FAM149B1: variants seen among roughly 807,000 people sequenced by gnomAD.
FAM149B1 encodes primary cilium assembly protein FAM149B1.
In FAM149B1, 56 loss-of-function variants were observed where a neutral mutation model predicts 75.3. That is an observed-to-expected ratio of 0.74 (90% CI 0.60 to 0.93). FAM149B1 has a LOEUF of 0.93. Among genes scored for constraint, FAM149B1 ranks in the 40% least tolerant of loss-of-function variants. FAM149B1 has a pLI of 0.00. For synonymous variants in FAM149B1, 259 were observed against 256.1 expected, an observed-to-expected ratio of 1.01 and a Z score of -0.11; for missense variants, 639 against 708.4, an observed-to-expected ratio of 0.90 and a Z score of 1.11.
chr10:73,188,163 G>A (rs1036966873), intron 3 of FAM149B1, among the ~76,000 whole-genome samples: 1 of 152,106 alleles, frequency 6.6e-6, no homozygotes, highest in African/African-American at 2.4e-5. Context: ...TGAGAGTCCA[G>A]AAATAAACTC....
rs895121685 is a variant in FAM149B1 at position 73,230,554 on chromosome 10, C to T, written c.1127+29C>T. The T allele has an allele frequency of 3.2e-6, 4 of 1,254,804 alleles. No homozygotes were observed. In the African/African-American group the frequency reaches 6.0e-5, roughly 19 times the overall value. The allele number at this position is 1,254,804 out of a possible 1,614,324, so 77.7% of individuals were successfully genotyped here. A position where few individuals can be genotyped will look rare whatever the true frequency, so the allele number is the denominator to read the frequency against. On this transcript the variant is annotated intron_variant, in intron 9 of 13. Coordinates refer to ENST00000242505, the MANE Select transcript of FAM149B1 (RefSeq NM_173348.2). ...AGAAGTTCAACATTTTCAGACTATA[C>T]AGTGTAAAAGGGAAACAGAGGGAAA...
chr10:73,188,446 G>A (rs189814027), intron 3 of FAM149B1, among the ~76,000 whole-genome samples: 4 of 152,238 alleles, frequency 2.6e-5, no homozygotes, highest in African/African-American at 7.2e-5. Flanking sequence ...CATAAGCTAC[G>A]AAAATGGATA....
rs996321545 is a variant in FAM149B1 at position 73,243,016 on chromosome 10, G to A, written c.*1997G>A. The A allele has an allele frequency of 5.6e-6, 1 of 177,308 alleles. No individual in the cohort carries two copies. Among genetic ancestry groups the A allele is most frequent in the Non-Finnish European group, 1.2e-5 (1 of 83,768 alleles). The allele number at this position is 177,308 out of a possible 1,614,324, so 11.0% of individuals were successfully genotyped here. On this transcript the variant is annotated 3_prime_UTR_variant, in exon 14 of 14. Transcript: ENST00000242505. ...TAGCTGTCCAGCAAGTGTCTGGAAG[G>A]TGTTCTAGCTGGGTAGAGAGCCTAT...
chr10:73,210,537 G>C (rs772893830), intron 7 of FAM149B1, 99 bp downstream of exon 7: 1 of 814,028 alleles, frequency 1.2e-6, no homozygotes, highest in Non-Finnish European at 1.9e-6. Context: ...CAAAAGGTGC[G>C]TATGGGCCAG....
In FAM149B1 at chr10:73,177,888, C is replaced by T; in HGVS notation, c.195C>T (p.Asp65=). 6.4e-6 allele frequency: 10 copies of T among 1,551,830 alleles called. No individual in the cohort carries two copies. Among genetic ancestry groups the T allele is most frequent in the Non-Finnish European group, 8.7e-6 (10 of 1,146,976 alleles). ...ITRESSFTSA[D]TGNSLSAFPS... is the part of the protein sequence containing the mutation. ...GAGAATCATCTTTTACATCAGCCGA[C>T]ACTGGGAATTCACTGTCTGCTTTTC... Residue 65 remains aspartate (D), a synonymous_variant, in exon 3 of 14, where the codon GAC becomes GAT. Transcript: ENST00000242505.
chr10:73,174,800 A>G lies in FAM149B1; in HGVS notation c.152+9A>G, dbSNP rs998637690. ...GACACAAGTTCCCAAAGGTAATAAC[A>G]CAAAGTGTACTTGTTTACTTATTGC... On this transcript the variant is annotated intron_variant, in intron 2 of 13. Transcript: ENST00000242505. 6 of 1,518,636 alleles carry G rather than the reference A, an allele frequency of 4.0e-6. No individual in the cohort carries two copies. The African/African-American group carries it at 6.9e-5, about 17-fold the overall frequency. The allele number at this position is 1,518,636 out of a possible 1,614,324, so 94.1% of individuals were successfully genotyped here.
In FAM149B1 at chr10:73,235,550, C is replaced by T. The variant is rs942260334; in HGVS notation, c.1602+232C>T. 5.5e-6 allele frequency: 5 copies of T among 914,260 alleles called. No individual in the cohort carries two copies. In the East Asian group the frequency reaches 1.1e-4, roughly 19 times the overall value. 56.6% of individuals were successfully genotyped at this position (914,260 alleles called of 1,614,324 possible). A position where few individuals can be genotyped will look rare whatever the true frequency, so the allele number is the denominator to read the frequency against. ...CACAAATATTCTAAGCAATTTAACA[C>T]TTAAGATATGTCTGACCACAAGCAA... On this transcript the variant is annotated intron_variant, in intron 12 of 13. Coordinates refer to ENST00000242505, the MANE Select transcript of FAM149B1 (RefSeq NM_173348.2).
At chr10:73,172,999 G>T (rs1323856598) in intron 1 of FAM149B1, among the ~76,000 whole-genome samples, 1 of 151,850 alleles carries the variant, frequency 6.6e-6, no homozygotes, top group Non-Finnish European at 1.5e-5. Context: ...AGTACCTGTA[G>T]TCTCAGATAC....
rs544857297 is a variant in FAM149B1 at position 73,176,790 on chromosome 10, G to A, written c.153-1056G>A. On this transcript the variant is annotated intron_variant, in intron 2 of 13. Coordinates refer to ENST00000242505, the MANE Select transcript of FAM149B1 (RefSeq NM_173348.2). ...GCCTGTAGTCCCAGCACTTTGGGAG[G>A]CCGATGTAGGCGGATCACTTGAGGT... is the stretch of plus-strand genomic sequence containing the variant. Among the ~76,000 whole-genome samples the A allele has an allele frequency of 7.9e-5, 12 of 152,176 alleles. No individual in the cohort carries two copies. The South Asian group carries it at 1.5e-3, about 18-fold the overall frequency.
intron 7 of FAM149B1, among the ~76,000 whole-genome samples, chr10:73,221,468 G>A (rs950994576): frequency 1.3e-5 from 2 of 152,048 alleles, no homozygotes; most frequent in Non-Finnish European, 2.9e-5. Flanking sequence ...TTAAAATGCT[G>A]TCCATTTCTT....
In FAM149B1 at chr10:73,171,972, C is replaced by T. The variant is rs183281126; in HGVS notation, c.48-2715C>T. ...TTCTCTGCACCTCTCTGTGAAATAA[C>T]GAAAGCAAAACTGCAGATACTGCCA... On this transcript the variant is annotated intron_variant, in intron 1 of 13. Transcript: ENST00000242505. 3.9e-3 allele frequency among the ~76,000 whole-genome samples: 601 copies of T among 152,244 alleles called. 10 individuals are homozygous for T. The highest frequency in any genetic ancestry group is 0.014 in the African/African-American group (575 of 41,552).
intron 2 of FAM149B1, among the ~76,000 whole-genome samples, chr10:73,176,621 C>T (rs1422595935): frequency 6.6e-6 from 1 of 152,122 alleles, no homozygotes; most frequent in Admixed American, 6.6e-5. Context: ...CGTGATGGCT[C>T]ACATCTGTAG....
intron 3 of FAM149B1, 73 bp from the exon 4 acceptor site, chr10:73,192,483 T>C: frequency 1.4e-6 from 2 of 1,427,296 alleles, no homozygotes; most frequent in Non-Finnish European, 1.9e-6. Flanking sequence ...GTCTTACTGC[T>C]TTTAATCTTT....
chr10:73,187,387 T>A (rs2042553153), intron 3 of FAM149B1, among the ~76,000 whole-genome samples: 1 of 132,402 alleles, frequency 7.6e-6, no homozygotes, highest in Admixed American at 7.7e-5. Flanking sequence ...AGGATCCAGA[T>A]TAGTAAAAAA....
intron 5 of FAM149B1, among the ~76,000 whole-genome samples, chr10:73,202,029 G>A (rs1419301143): frequency 1.3e-5 from 2 of 152,040 alleles, no homozygotes; most frequent in Non-Finnish European, 2.9e-5. Flanking sequence ...GCCAGGCGTG[G>A]TGGCACACAC....
At chr10:73,200,749 C>T (rs1164775445) in intron 5 of FAM149B1, 2 of 451,084 alleles carry the variant, frequency 4.4e-6, no homozygotes, top group Non-Finnish European at 8.8e-6. Context: ...TTGAAGGAAT[C>T]GAACAGTTTT....
rs144070782 is a variant in FAM149B1 at position 73,175,452 on chromosome 10, G to A, written c.152+661G>A. Among the ~76,000 whole-genome samples, 26 of 152,096 alleles carry A rather than the reference G, an allele frequency of 1.7e-4. No homozygotes were observed. The East Asian group carries it at 4.5e-3, about 26-fold the overall frequency. ...TGGGAGGCCGAGGTGCACGGATCAC[G>A]AGGTCAGGAGATCGAAACCATCCTG... On this transcript the variant is annotated intron_variant, in intron 2 of 13. Transcript: ENST00000242505.
chr10:73,200,974 A>G, intron 5 of FAM149B1: 1 of 387,868 alleles, frequency 2.6e-6, no homozygotes, highest in South Asian at 2.5e-5. Flanking sequence ...ATCAGGGTCA[A>G]GCCCTGTTCT....
At chr10:73,178,927 TATC>T (rs1489843243) in intron 3 of FAM149B1, among the ~76,000 whole-genome samples, 1 of 152,228 alleles carries the variant, frequency 6.6e-6, no homozygotes, top group Non-Finnish European at 1.5e-5. Flanking sequence ...TGCATAATTT[TATC>T]ATCTTGATGC....
Sources: gnomAD v4.1 joint callset for allele counts (sites outside exome capture counted in the v4.1 genomes callset) on GRCh38, gnomAD v4.1.1 for gene constraint, MANE v1.5 for transcripts, NCBI Gene and HGNC (gene_info 2026-07-23, HGNC 2026-07-21) for gene names.